Variants in HIVEP2 observed in about 807,000 individuals in gnomAD.
HIVEP2 encodes the protein HIVEP zinc finger 2, also known as transcription factor HIVEP2.
HIVEP2 carries 14 observed loss-of-function variants against 180.7 expected under a neutral mutation model. The ratio of observed to expected loss-of-function variants is 0.08; its 90% CI spans 0.05 to 0.12. The LOEUF (loss-of-function observed/expected upper bound fraction) is 0.12. Ranked by LOEUF, HIVEP2 falls within the 10% of genes least tolerant of loss-of-function variation. HIVEP2 has a pLI of 1.00. For missense variants in HIVEP2, 2,579 were observed against 3,008.5 expected, an observed-to-expected ratio of 0.86 and a Z score of 3.34; for synonymous variants, 1,184 against 1,136.4, an observed-to-expected ratio of 1.04 and a Z score of -0.84.
chr6:142,781,283 T>C (rs1015986628), intron 3 of HIVEP2, among the ~76,000 whole-genome samples: 1 of 152,228 alleles, frequency 6.6e-6, no homozygotes, highest in Non-Finnish European at 1.5e-5. Context: ...AATTCTCATA[T>C]GAAAACAGCG....
chr6:142,775,281 T>A (rs898333830), intron 4 of HIVEP2, among the ~76,000 whole-genome samples, 156 bp from the exon 5 acceptor site: 2 of 152,130 alleles, frequency 1.3e-5, no homozygotes, highest in African/African-American at 2.4e-5. Flanking sequence ...AATTCCACAA[T>A]TAAAATATAT....
chr6:142,893,776 G>A (rs937590665), intron 1 of HIVEP2, among the ~76,000 whole-genome samples: 36 of 152,086 alleles, frequency 2.4e-4, no homozygotes, highest in Admixed American at 1.4e-3. Context: ...TGCATTTTTC[G>A]GGGGGAGGGA....
intron 1 of HIVEP2, among the ~76,000 whole-genome samples, chr6:142,893,240 A>G (rs1240688640): frequency 6.6e-6 from 1 of 152,194 alleles, no homozygotes. Flanking sequence ...TAACAGTAGT[A>G]TCTACATGAT....
intron 1 of HIVEP2, among the ~76,000 whole-genome samples, chr6:142,891,920 T>C (rs1351304323): frequency 2.6e-5 from 4 of 152,210 alleles, no homozygotes; most frequent in Non-Finnish European, 5.9e-5. Context: ...TTTATCTTTA[T>C]AGAGCCTTAG....
Position 142,774,246 on chromosome 6 carries a change from A to G in HIVEP2, c.493T>C (p.Tyr165His). The G allele has an allele frequency of 6.2e-7, 1 of 1,614,138 alleles. No individual in the cohort carries two copies. Among genetic ancestry groups the G allele is most frequent in the African/African-American group, 1.3e-5 (1 of 75,052 alleles). The change falls in exon 5 of 10, where the codon TAC becomes CAC. Residue 165 changes from tyrosine to histidine, a missense_variant. Physicochemically the swap from Tyr to His is moderately conservative, Grantham distance 83. Around this residue, in one of 11 missense-constraint regions of HIVEP2, gnomAD observed 207 missense variants for 210.1 expected, o/e 0.99. Transcript: ENST00000367603. This position sits in a 1 kb window ranked among gnomAD's most constrained non-coding sequence, Gnocchi z 5.1. ...GCCTGTTCAATACTTTTCTGGGAGT[A>G]TTGGCTATAAGCAGGGTTCAGACTT... ...ISSLNPAYSQYSQKSIEQAEE... is the reference protein window; with the variant it reads ...ISSLNPAYSQHSQKSIEQAEE...
intron 1 of HIVEP2, among the ~76,000 whole-genome samples, chr6:142,912,454 G>A (rs1315297400): frequency 1.3e-5 from 2 of 151,960 alleles, no homozygotes; most frequent in Admixed American, 6.6e-5. Flanking sequence ...CTCTCTTCTC[G>A]TGGCTGTTTT....
intron 1 of HIVEP2, among the ~76,000 whole-genome samples, chr6:142,861,298 T>C (rs1297100471): frequency 6.6e-6 from 1 of 152,230 alleles, no homozygotes; most frequent in African/African-American, 2.4e-5. Flanking sequence ...CCTTCCCCTG[T>C]ATGATTCATA....
chr6:142,875,078 A>G (rs752032380), intron 1 of HIVEP2, among the ~76,000 whole-genome samples: 4 of 152,210 alleles, frequency 2.6e-5, no homozygotes, highest in Non-Finnish European at 5.9e-5. Context: ...GATCATTTCT[A>G]TGAAGTAAAA....
At chr6:142,829,579 G>A (rs1775019524) in intron 2 of HIVEP2, among the ~76,000 whole-genome samples, 1 of 152,208 alleles carries the variant, frequency 6.6e-6, no homozygotes, top group Non-Finnish European at 1.5e-5. Flanking sequence ...TTTAGGTAGG[G>A]TTTATAAGCA....
At chr6:142,884,154 C>CT (rs1337577376) in intron 1 of HIVEP2, among the ~76,000 whole-genome samples, 1 of 152,058 alleles carries the variant, frequency 6.6e-6, no homozygotes, top group Non-Finnish European at 1.5e-5. Flanking sequence ...TCCACTAGGG[C>CT]TTTTTTATCC....
intron 1 of HIVEP2, among the ~76,000 whole-genome samples, chr6:142,920,282 A>G (rs944063893): frequency 2.0e-5 from 3 of 152,228 alleles, no homozygotes; most frequent in African/African-American, 4.8e-5. Flanking sequence ...TCACTCAATT[A>G]TCTTTGTATC....
At chr6:142,885,990 A>G (rs948750096) in intron 1 of HIVEP2, among the ~76,000 whole-genome samples, 1 of 152,206 alleles carries the variant, frequency 6.6e-6, no homozygotes, top group South Asian at 2.1e-4. Context: ...TAGGAAAACA[A>G]CACAAATTGC....
chr6:142,882,556 A>G (rs1356195800), intron 1 of HIVEP2, among the ~76,000 whole-genome samples: 3 of 147,292 alleles, frequency 2.0e-5, no homozygotes, highest in Non-Finnish European at 4.5e-5. Context: ...CAAGGCTACA[A>G]TGAGTTATGA....
chr6:142,853,345 C>T (rs547249273), intron 1 of HIVEP2, among the ~76,000 whole-genome samples: 1 of 152,102 alleles, frequency 6.6e-6, no homozygotes, highest in Non-Finnish European at 1.5e-5. Context: ...CCTGTGGTTT[C>T]GATAAGAATT....
chr6:142,810,834 T>G (rs1776679848), intron 2 of HIVEP2, among the ~76,000 whole-genome samples: 12 of 150,396 alleles, frequency 8.0e-5, no homozygotes, highest in Admixed American at 7.9e-4. Context: ...GAGGTAAGGC[T>G]ATAGGATCTG....
At chr6:142,839,553 C>T (rs567947684) in intron 1 of HIVEP2, among the ~76,000 whole-genome samples, 25 of 152,134 alleles carry the variant, frequency 1.6e-4, no homozygotes, top group African/African-American at 4.1e-4. Flanking sequence ...TTCAGTTATT[C>T]GCATGTAATA....
At chr6:142,811,207 GAC>G (rs1776689045) in intron 2 of HIVEP2, among the ~76,000 whole-genome samples, 1 of 152,054 alleles carries the variant, frequency 6.6e-6, no homozygotes, top group South Asian at 2.1e-4. Context: ...GTGTGAGAGA[GAC>G]AGAGAGAGAG....
At chr6:142,779,725 T>G (rs994415304) in intron 3 of HIVEP2, 18 of 152,234 alleles carry the variant, frequency 1.2e-4, no homozygotes, top group African/African-American at 4.1e-4. Flanking sequence ...AGTTATTCAA[T>G]AAAATATAAT....
intron 3 of HIVEP2, among the ~76,000 whole-genome samples, chr6:142,780,839 T>C (rs1775841383): frequency 6.6e-6 from 1 of 152,150 alleles, no homozygotes; most frequent in African/African-American, 2.4e-5. Flanking sequence ...GATAATGGCA[T>C]TTGTCTTGTT....
Sources: gnomAD v4.1 joint callset for allele counts (sites outside exome capture counted in the v4.1 genomes callset) on GRCh38, gnomAD v4.1.1 for gene constraint, gnomAD v4.1.1 regional missense constraint, Gnocchi (gnomAD v3.1) non-coding constraint, MANE v1.5 for transcripts, NCBI Gene and HGNC (gene_info 2026-07-23, HGNC 2026-07-21) for gene names.